Variants in TAF5L observed in about 807,000 individuals in gnomAD.
TAF5L encodes TAF5-like RNA polymerase II p300/CBP-associated factor-associated factor 65 kDa subunit 5L.
Under a neutral mutation model 51.3 loss-of-function variants are expected in TAF5L, and 7 were observed. That is an observed-to-expected ratio of 0.14 (90% CI 0.08 to 0.26). TAF5L has a LOEUF of 0.26. TAF5L is among the 10% of genes least tolerant of loss of function. TAF5L has a pLI of 1.00. For synonymous variants in TAF5L, 291 were observed against 308.1 expected (o/e 0.94, Z 0.58); for missense variants, 575 against 758.9 (o/e 0.76, Z 2.85).
chr1:229,605,363 T>C (rs1300016545), intron 3 of TAF5L, among the ~76,000 whole-genome samples: 1 of 152,208 alleles, frequency 6.6e-6, no homozygotes, highest in East Asian at 1.9e-4. Flanking sequence ...CCAAGGACTT[T>C]GCATTCTCCT....
chr1:229,617,349 G>A (rs1665043616), intron 1 of TAF5L, among the ~76,000 whole-genome samples: 1 of 152,176 alleles, frequency 6.6e-6, no homozygotes, highest in Non-Finnish European at 1.5e-5. Context: ...AAGTCAAGAC[G>A]AGTCAATCCA....
chr1:229,596,973 A>C (rs1664148296), intron 4 of TAF5L, among the ~76,000 whole-genome samples: 1 of 152,240 alleles, frequency 6.6e-6, no homozygotes. Flanking sequence ...ACTGATGTCC[A>C]TGAATATTCA....
At chr1:229,604,189 A>G (rs1362512998) in intron 3 of TAF5L, among the ~76,000 whole-genome samples, 1 of 121,858 alleles carries the variant, frequency 8.2e-6, no homozygotes, top group South Asian at 2.7e-4. Context: ...TTTTTTTTTC[A>G]TGAAAAGGCA....
Position 229,594,315 on chromosome 1 carries a change from T to C in TAF5L, c.1752A>G (p.Gln584=). 1 of 1,605,880 alleles carries C rather than the reference T, an allele frequency of 6.2e-7. No individual in the cohort carries two copies. The highest frequency in any genetic ancestry group is 8.5e-7 in the Non-Finnish European group (1 of 1,174,080). The stretch of plus-strand genomic sequence containing the variant: ...TAAAAAATTAATGTTCCTGATTTTC[T>C]TGTGTAATTCCAGTCACCAGAAGAA... Residue 584 remains glutamine, a synonymous_variant, in exon 5 of 5, where the codon CAA becomes CAG. Transcript: ENST00000258281. The surrounding 1 kb of genome is among the most constrained non-coding windows in gnomAD (Gnocchi z 7.9).
intron 2 of TAF5L, among the ~76,000 whole-genome samples, chr1:229,611,489 A>ATTTCTTTTCTACGTATTTTC (rs1664784877): frequency 6.6e-6 from 1 of 152,118 alleles, no homozygotes; most frequent in Admixed American, 6.5e-5. Context: ...TAGAAAGGGA[A>ATTTCTTTTCTACGTATTTTC]ACACAGGTGA....
chr1:229,600,363 G>A (rs1664326900), intron 4 of TAF5L: 2 of 985,378 alleles, frequency 2.0e-6, no homozygotes, highest in Non-Finnish European at 2.4e-6. Context: ...AGCATCTACA[G>A]TACTTTCAGT....
chr1:229,606,213 A>G, intron 3 of TAF5L: 2 of 982,870 alleles, frequency 2.0e-6, no homozygotes, highest in Non-Finnish European at 2.4e-6. Context: ...AAACAAAAAA[A>G]CTGATCAATT....
intron 2 of TAF5L, among the ~76,000 whole-genome samples, 158 bp from the exon 3 acceptor site, chr1:229,610,368 A>G (rs1163179873): frequency 6.6e-6 from 1 of 152,248 alleles, no homozygotes; most frequent in Non-Finnish European, 1.5e-5. Flanking sequence ...GTTAAACATG[A>G]CAGACTGATG....
At chr1:229,605,647 C>A (rs1664565928) in intron 3 of TAF5L, among the ~76,000 whole-genome samples, 1 of 151,372 alleles carries the variant, frequency 6.6e-6, no homozygotes, top group Non-Finnish European at 1.5e-5. Flanking sequence ...ACATTTAAGT[C>A]AGTAGACTTT....
At chr1:229,608,926 C>T (rs1324983601) in intron 3 of TAF5L, among the ~76,000 whole-genome samples, 1 of 152,146 alleles carries the variant, frequency 6.6e-6, no homozygotes, top group Admixed American at 6.5e-5. Flanking sequence ...ATCACTTGAT[C>T]TCAGAAGGTC....
intron 4 of TAF5L, chr1:229,600,481 C>T (rs773413703): frequency 1.0e-6 from 1 of 985,410 alleles, no homozygotes; most frequent in Non-Finnish European, 1.2e-6. Context: ...GAAACACAAA[C>T]GTCACCCTTG....
chr1:229,617,606 GT>G (rs1443539392), intron 1 of TAF5L, among the ~76,000 whole-genome samples: 9 of 152,190 alleles, frequency 5.9e-5, no homozygotes, highest in African/African-American at 2.2e-4. Flanking sequence ...AACTCTGCAT[GT>G]GAAAGACATG....
rs1664408784 is a variant in TAF5L, at chr1:229,602,348, A to G, written c.819T>C (p.Thr273=). ...GCTTGCTATCGGGGGAGATTTCTGC[A>G]GTGTTCAACAGCTGCTCTGTGTTAT... Residue 273 remains threonine, a synonymous_variant, in exon 4 of 5, where the codon ACT becomes ACC. Transcript: ENST00000258281. The surrounding 1 kb of genome is among the most constrained non-coding windows in gnomAD (Gnocchi z 4.6). 6.2e-7 allele frequency: 1 copy of G among 1,614,164 alleles called. No individual in the cohort carries two copies. The highest frequency in any genetic ancestry group is 8.5e-7 in the Non-Finnish European group (1 of 1,180,028).
In TAF5L at chr1:229,613,385, C is replaced by G. The variant is rs149999130; in HGVS notation, c.142+956G>C. 6.7e-3 allele frequency among the ~76,000 whole-genome samples: 1,009 copies of G among 149,496 alleles called. 13 individuals are homozygous for G. Among genetic ancestry groups the G allele is most frequent in the African/African-American group, 0.023 (952 of 40,678 alleles). On this transcript the variant is annotated intron_variant, in intron 2 of 4. Coordinates refer to ENST00000258281, the Ensembl canonical transcript of TAF5L. The stretch of plus-strand genomic sequence containing the variant: ...AAGAAGAAGAAGAAAGTCATAAAGT[C>G]ATATTACATAAAAACATGAACTCAC...
intron 1 of TAF5L, among the ~76,000 whole-genome samples, chr1:229,622,786 A>T (rs2145393): frequency 0.13 from 19,299 of 149,832 alleles, 1,881 homozygotes; most frequent in East Asian, 0.42. Context: ...TAAAAAAAAA[A>T]TTTTTTTTTG....
intron 3 of TAF5L, among the ~76,000 whole-genome samples, chr1:229,609,070 TTTATG>T (rs1210513818): frequency 1.3e-5 from 2 of 152,358 alleles, no homozygotes; most frequent in Admixed American, 6.5e-5. Context: ...TCAGCCTGTA[TTTATG>T]TTAAGTGCTG....
intron 1 of TAF5L, among the ~76,000 whole-genome samples, chr1:229,621,513 T>C (rs1665202291): frequency 6.6e-6 from 1 of 152,194 alleles, no homozygotes; most frequent in Non-Finnish European, 1.5e-5. Flanking sequence ...TACAACACTC[T>C]TCAAATCTTC....
intron 4 of TAF5L, among the ~76,000 whole-genome samples, chr1:229,598,184 C>T (rs970743230): frequency 1.3e-5 from 2 of 152,164 alleles, no homozygotes; most frequent in African/African-American, 4.8e-5. Context: ...ATTTCTAAAA[C>T]TTAGGACCAA....
intron 1 of TAF5L, among the ~76,000 whole-genome samples, chr1:229,615,780 T>G (rs1336858917): frequency 6.6e-6 from 1 of 152,166 alleles, no homozygotes; most frequent in African/African-American, 2.4e-5. Flanking sequence ...TTCACTTCTG[T>G]CATGTAAAAC....
Sources: gnomAD v4.1 joint callset for allele counts (sites outside exome capture counted in the v4.1 genomes callset) on GRCh38, gnomAD v4.1.1 for gene constraint, Gnocchi (gnomAD v3.1) non-coding constraint, MANE v1.5 for transcripts, NCBI Gene and HGNC (gene_info 2026-07-23, HGNC 2026-07-21) for gene names.